The following GALNTL6 variants were observed in gnomAD, a reference collection of about 807,000 sequenced individuals.
The protein encoded by GALNTL6 is polypeptide N-acetylgalactosaminyltransferase-like 6.
Under a neutral mutation model 73.7 loss-of-function variants are expected in GALNTL6, and 46 were observed. The ratio of observed to expected loss-of-function variants is 0.62; its 90% CI spans 0.49 to 0.80. GALNTL6 has a LOEUF of 0.80. Among genes scored for constraint, GALNTL6 ranks in the 30% least tolerant of loss-of-function variants. The pLI is 0.00. For synonymous variants in GALNTL6, 259 were observed against 263.7 expected (o/e 0.98, Z 0.17); for missense variants, 604 against 755.0 (o/e 0.80, Z 2.34).
At chr4:172,485,116 A>G (rs1475827330) in intron 5 of GALNTL6, among the ~76,000 whole-genome samples, 1 of 152,174 alleles carries the variant, frequency 6.6e-6, no homozygotes, top group Non-Finnish European at 1.5e-5. Context: ...CACATATGCA[A>G]ATGGAGAAAC....
At chr4:172,727,638 G>A (rs1056289362) in intron 5 of GALNTL6, among the ~76,000 whole-genome samples, 13 of 152,138 alleles carry the variant, frequency 8.5e-5, no homozygotes, top group African/African-American at 3.1e-4. Context: ...TTTTTCATAT[G>A]TTTTGAACAA....
intron 10 of GALNTL6, among the ~76,000 whole-genome samples, chr4:172,998,003 G>A (rs1751873872): frequency 6.6e-6 from 1 of 152,202 alleles, no homozygotes; most frequent in African/African-American, 2.4e-5. Flanking sequence ...TATTTCTGCT[G>A]TGGGCTCTTC....
chr4:172,417,137 G>A (rs1461344172), intron 5 of GALNTL6, among the ~76,000 whole-genome samples: 1 of 151,932 alleles, frequency 6.6e-6, no homozygotes, highest in Non-Finnish European at 1.5e-5. Context: ...TAAAAACTCG[G>A]TCATTCCTGA....
chr4:172,085,313 G>A (rs1160286623), intron 2 of GALNTL6, among the ~76,000 whole-genome samples: 3 of 152,114 alleles, frequency 2.0e-5, no homozygotes, highest in African/African-American at 7.2e-5. Flanking sequence ...GAGGCAACCT[G>A]ATAACACCAC....
At chr4:172,842,156 A>G (rs1198747722) in intron 7 of GALNTL6, among the ~76,000 whole-genome samples, 1 of 152,242 alleles carries the variant, frequency 6.6e-6, no homozygotes, top group Non-Finnish European at 1.5e-5. Context: ...AAAACAAAGT[A>G]TCTCGAAGTT....
chr4:172,915,928 G>A (rs577782934), intron 8 of GALNTL6, among the ~76,000 whole-genome samples: 1 of 152,242 alleles, frequency 6.6e-6, no homozygotes, highest in South Asian at 2.1e-4. Context: ...CCAAAGACTG[G>A]CAGAGACACA....
intron 5 of GALNTL6, among the ~76,000 whole-genome samples, chr4:172,639,278 G>T (rs990389611): frequency 5.3e-5 from 8 of 151,994 alleles, no homozygotes; most frequent in Non-Finnish European, 1.2e-4. Context: ...ACCCTACTGG[G>T]ACCTCCATTC....
Position 171,940,171 on chromosome 4 carries a change from C to T in GALNTL6, c.138+125453C>T, listed in dbSNP as rs548006604. Among the ~76,000 whole-genome samples, 9 of 143,034 alleles carry T rather than the reference C, an allele frequency of 6.3e-5. No homozygotes were observed. The South Asian group carries it at 1.9e-3, about 30-fold the overall frequency. 93.8% of individuals were successfully genotyped at this position (143,034 alleles called of 152,430 possible). A position where few individuals can be genotyped will look rare whatever the true frequency, so the allele number is the denominator to read the frequency against. ...TAGTCATGTGCAGTGTGTTTGATAA[C>T]ATATCTCATTATTAACTGTGAAAAA... On this transcript the variant is annotated intron_variant, in intron 2 of 12. Transcript: ENST00000506823.
chr4:172,784,624 A>G (rs576397473), intron 5 of GALNTL6, among the ~76,000 whole-genome samples: 1 of 152,132 alleles, frequency 6.6e-6, no homozygotes, highest in Non-Finnish European at 1.5e-5. Context: ...GGAATTATCT[A>G]AGAGCCACAT....
intron 5 of GALNTL6, among the ~76,000 whole-genome samples, chr4:172,466,400 C>T (rs142350228): frequency 0.012 from 1,825 of 152,234 alleles, 19 homozygotes; most frequent in South Asian, 0.034. Flanking sequence ...TAATACCTAA[C>T]GAAAAGAATA....
At chr4:172,296,649 G>C (rs1041723522) in intron 3 of GALNTL6, among the ~76,000 whole-genome samples, 7 of 152,126 alleles carry the variant, frequency 4.6e-5, no homozygotes, top group Non-Finnish European at 1.0e-4. Flanking sequence ...TGCTGAGAAT[G>C]ATGGCTTCCA....
intron 5 of GALNTL6, among the ~76,000 whole-genome samples, chr4:172,372,612 C>T (rs919456077): frequency 1.3e-5 from 2 of 152,182 alleles, no homozygotes; most frequent in East Asian, 1.9e-4. Flanking sequence ...AGAGCTATCC[C>T]TGCTGTCTCT....
At chr4:172,523,897 A>C (rs1176256813) in intron 5 of GALNTL6, among the ~76,000 whole-genome samples, 1 of 152,170 alleles carries the variant, frequency 6.6e-6, no homozygotes, top group Non-Finnish European at 1.5e-5. Flanking sequence ...TCAATAATTT[A>C]TTACAAAAAG....
At chr4:172,838,875 A>G (rs2111076802) in intron 7 of GALNTL6, among the ~76,000 whole-genome samples, 2 of 152,340 alleles carry the variant, frequency 1.3e-5, no homozygotes, top group East Asian at 3.9e-4. Flanking sequence ...AGGTTAACCC[A>G]TCACCACAGG....
At chr4:172,256,815 A>T (rs1444021008) in intron 3 of GALNTL6, among the ~76,000 whole-genome samples, 2 of 151,324 alleles carry the variant, frequency 1.3e-5, no homozygotes, top group African/African-American at 4.8e-5. Flanking sequence ...GATTAGATAG[A>T]GTATTGCTTT....
At chr4:172,100,018 A>C (rs1031080063) in intron 2 of GALNTL6, among the ~76,000 whole-genome samples, 1 of 152,124 alleles carries the variant, frequency 6.6e-6, no homozygotes, top group African/African-American at 2.4e-5. Flanking sequence ...ACAGGCACAC[A>C]AAGGAGATAC....
At chr4:172,973,615 T>A (rs963605792) in intron 10 of GALNTL6, among the ~76,000 whole-genome samples, 1 of 152,218 alleles carries the variant, frequency 6.6e-6, no homozygotes, top group African/African-American at 2.4e-5. Context: ...TATATTCTAC[T>A]AGTTCAGTTA....
At chr4:172,309,243 G>A (rs1192323262) in intron 3 of GALNTL6, among the ~76,000 whole-genome samples, 1 of 151,996 alleles carries the variant, frequency 6.6e-6, no homozygotes, top group Admixed American at 6.6e-5. Flanking sequence ...GAATTTAAGG[G>A]CAGTAGTAGT....
intron 2 of GALNTL6, among the ~76,000 whole-genome samples, chr4:171,858,395 A>T (rs1735746073): frequency 6.6e-6 from 1 of 152,018 alleles, no homozygotes; most frequent in African/African-American, 2.4e-5. Context: ...AAATTTCCAG[A>T]AATACTAGGA....
Sources: allele counts gnomAD v4.1 joint callset (sites outside exome capture counted in the v4.1 genomes callset), GRCh38; gene constraint gnomAD v4.1.1; transcripts MANE v1.5; gene names NCBI Gene and HGNC (gene_info 2026-07-23, HGNC 2026-07-21).